The following CHCHD3 variants were observed in gnomAD, a reference collection of about 807,000 sequenced individuals.
CHCHD3 encodes coiled-coil-helix-coiled-coil-helix domain containing 3, also known as MICOS complex subunit MIC19.
A neutral mutation model predicts 38.2 loss-of-function variants in CHCHD3; 20 were observed. That is an observed-to-expected ratio of 0.52 (90% CI 0.37 to 0.76). The LOEUF is 0.76. CHCHD3 is among the 30% of genes least tolerant of loss of function. The pLI is 0.00. For synonymous variants in CHCHD3, 82 were observed against 100.0 expected, an observed-to-expected ratio of 0.82 and a Z score of 1.07; for missense variants, 245 against 279.2, an observed-to-expected ratio of 0.88 and a Z score of 0.87.
At chr7:132,968,217 T>G (rs1811525784) in intron 4 of CHCHD3, among the ~76,000 whole-genome samples, 1 of 152,158 alleles carries the variant, frequency 6.6e-6, no homozygotes, top group African/African-American at 2.4e-5. Context: ...ATCTGGATAC[T>G]TTGTCCCAGA....
intron 3 of CHCHD3, among the ~76,000 whole-genome samples, chr7:132,986,884 A>G (rs1812137457): frequency 6.6e-6 from 1 of 152,228 alleles, no homozygotes. Context: ...GTCCTTATCT[A>G]TAGAGCTGCT....
intron 1 of CHCHD3, among the ~76,000 whole-genome samples, chr7:133,080,942 T>C (rs1339647709): frequency 2.0e-5 from 3 of 152,116 alleles, no homozygotes; most frequent in Non-Finnish European, 4.4e-5. Context: ...GAAGTCAAAA[T>C]TGCTTTATTT....
chr7:132,796,616 T>G (rs759492013), intron 6 of CHCHD3, 39 bp from the exon 7 acceptor site: 36 of 1,577,828 alleles, frequency 2.3e-5, no homozygotes, highest in Non-Finnish European at 3.0e-5. Flanking sequence ...CCAATGGTCT[T>G]CATTCAGAAT....
intron 6 of CHCHD3, among the ~76,000 whole-genome samples, chr7:132,808,427 C>T (rs1338047346): frequency 4.6e-5 from 7 of 152,178 alleles, no homozygotes; most frequent in African/African-American, 7.2e-5. Context: ...GGTACTCCTA[C>T]GACTCTGTTT....
chr7:132,976,189 A>G (rs1049367847), intron 3 of CHCHD3, among the ~76,000 whole-genome samples: 1 of 148,398 alleles, frequency 6.7e-6, no homozygotes, highest in African/African-American at 2.4e-5. Context: ...TCATATGCAA[A>G]TATGACCACG....
intron 6 of CHCHD3, among the ~76,000 whole-genome samples, chr7:132,812,355 G>A (rs901088776): frequency 9.9e-5 from 15 of 151,616 alleles, no homozygotes; most frequent in African/African-American, 3.6e-4. Flanking sequence ...GATTACAGGT[G>A]TCCACCACCA....
chr7:133,022,353 A>G, intron 3 of CHCHD3: 1 of 456,444 alleles, frequency 2.2e-6, no homozygotes, highest in Non-Finnish European at 4.4e-6. Context: ...AGGCAAGAGG[A>G]GCTATTTTCT....
chr7:132,935,084 C>T (rs149104937), intron 4 of CHCHD3, among the ~76,000 whole-genome samples: 2 of 151,692 alleles, frequency 1.3e-5, no homozygotes, highest in Non-Finnish European at 1.5e-5. Context: ...CAAAGGACCA[C>T]GATGAAATGG....
chr7:132,932,132 G>C (rs1350224254), intron 4 of CHCHD3, among the ~76,000 whole-genome samples: 1 of 152,146 alleles, frequency 6.6e-6, no homozygotes, highest in Non-Finnish European at 1.5e-5. Context: ...TGGTCAGATG[G>C]AAGCCTGACA....
intron 4 of CHCHD3, among the ~76,000 whole-genome samples, chr7:132,953,698 G>A (rs1157022984): frequency 5.9e-5 from 9 of 152,184 alleles, no homozygotes; most frequent in Non-Finnish European, 1.2e-4. Context: ...TCCCAGTATG[G>A]AAATGCAAGT....
intron 4 of CHCHD3, among the ~76,000 whole-genome samples, chr7:132,931,269 A>G (rs147992312): frequency 1.5e-4 from 23 of 152,362 alleles, no homozygotes; most frequent in African/African-American, 5.3e-4. Context: ...ACCACATGAG[A>G]TAACATACAT....
chr7:133,006,960 AT>A lies in CHCHD3; in HGVS notation c.251+17585del, dbSNP rs1411020401. 1.2e-4 allele frequency among the ~76,000 whole-genome samples: 18 copies of A among 152,006 alleles called. No homozygotes were observed. In the East Asian group the frequency reaches 1.7e-3, roughly 15 times the overall value. On this transcript the variant is annotated intron_variant, in intron 3 of 7. Coordinates refer to ENST00000262570, the MANE Select transcript of CHCHD3 (RefSeq NM_017812.4). ...TAAGGACACTATAATACCACTTGTT[AT>A]TTTTTTTCTCCTGTGTGTATAAGCC...
intron 2 of CHCHD3, among the ~76,000 whole-genome samples, chr7:133,037,289 GAAC>G (rs1813706268): frequency 6.6e-6 from 1 of 152,160 alleles, no homozygotes; most frequent in South Asian, 2.1e-4. Context: ...CAATGAGGGA[GAAC>G]AATATACATT....
chr7:132,903,335 G>GT (rs1369408995), intron 4 of CHCHD3, among the ~76,000 whole-genome samples: 3 of 144,488 alleles, frequency 2.1e-5, no homozygotes, highest in Non-Finnish European at 3.1e-5. Flanking sequence ...GTTATATTGG[G>GT]GTTTTTTTCT....
intron 4 of CHCHD3, among the ~76,000 whole-genome samples, chr7:132,955,658 G>A (rs769727629): frequency 2.6e-5 from 4 of 151,878 alleles, no homozygotes; most frequent in African/African-American, 9.7e-5. Context: ...TTGTTAAGAC[G>A]GCAGAGCAGA....
At chr7:133,029,545 G>C (rs367821164) in intron 2 of CHCHD3, among the ~76,000 whole-genome samples, 2 of 152,124 alleles carry the variant, frequency 1.3e-5, no homozygotes, top group Non-Finnish European at 2.9e-5. Context: ...TATCTTCATA[G>C]TGCACTTTAT....
intron 4 of CHCHD3, among the ~76,000 whole-genome samples, chr7:132,888,558 C>T (rs1809275649): frequency 6.6e-6 from 1 of 151,882 alleles, no homozygotes; most frequent in Non-Finnish European, 1.5e-5. Context: ...GCCAATTTCA[C>T]TTCCAGGCAT....
intron 5 of CHCHD3, among the ~76,000 whole-genome samples, chr7:132,839,283 AG>A (rs1336509688): frequency 1.3e-5 from 2 of 152,206 alleles, no homozygotes; most frequent in African/African-American, 4.8e-5. Context: ...ACTAATCAGT[AG>A]GAACAAGGGG....
At chr7:132,789,498 G>A (rs1028735692) in intron 7 of CHCHD3, among the ~76,000 whole-genome samples, 1 of 152,146 alleles carries the variant, frequency 6.6e-6, no homozygotes, top group African/African-American at 2.4e-5. Context: ...CTGAGATTGC[G>A]TGTCATTTCC....
Sources: gnomAD v4.1 joint callset for allele counts (sites outside exome capture counted in the v4.1 genomes callset) on GRCh38, gnomAD v4.1.1 for gene constraint, MANE v1.5 for transcripts, NCBI Gene and HGNC (gene_info 2026-07-23, HGNC 2026-07-21) for gene names.